Variants in DNAH17 observed in about 807,000 individuals in gnomAD.
DNAH17 encodes the protein axonemal beta dynein heavy chain 17.
DNAH17 carries 376 observed loss-of-function variants against 485.6 expected under a neutral mutation model. The ratio of observed to expected loss-of-function variants is 0.77; its 90% CI spans 0.71 to 0.84. The LOEUF (loss-of-function observed/expected upper bound fraction) is 0.84. Among genes scored for constraint, DNAH17 ranks in the 40% least tolerant of loss-of-function variants. DNAH17 has a pLI of 0.00. For synonymous variants in DNAH17, 3,031 were observed against 2,405.9 expected (o/e 1.26, Z -7.60); for missense variants, 6,370 against 5,839.3 (o/e 1.09, Z -2.96).
At chr17:78,561,479 G>C (rs1023112336) in intron 12 of DNAH17, among the ~76,000 whole-genome samples, 1 of 152,100 alleles carries the variant, frequency 6.6e-6, no homozygotes, top group African/African-American at 2.4e-5. Context: ...TGGTCTTCAT[G>C]TCTACCAGGC....
chr17:78,487,804 C>T (rs1489219840), intron 44 of DNAH17, among the ~76,000 whole-genome samples: 2 of 152,174 alleles, frequency 1.3e-5, no homozygotes, highest in African/African-American at 4.8e-5. Context: ...CGATTACAGA[C>T]ATGAGGCACT....
Position 78,475,711 on chromosome 17 carries a change from G to A in DNAH17, c.8277C>T (p.Asp2759=). 3 of 1,613,870 alleles carry A rather than the reference G, an allele frequency of 1.9e-6. No individual in the cohort carries two copies. Among genetic ancestry groups the A allele is most frequent in the Non-Finnish European group, 1.7e-6 (2 of 1,179,852 alleles). The change falls in exon 53 of 81, where the codon GAC becomes GAT. Residue 2759 remains aspartate, a synonymous_variant. Transcript: ENST00000389840. ...DMAPLNKLLV[D]VLDSYNEVNA... Reference sequence around the variant, plus strand: ...TAACTTCATTGTAGCTGTCCAGGACGTCCACGAGGAGCTTGTTCAGAGGAG... The same window carrying A: ...TAACTTCATTGTAGCTGTCCAGGACATCCACGAGGAGCTTGTTCAGAGGAG...
intron 76 of DNAH17, among the ~76,000 whole-genome samples, 197 bp downstream of exon 76, chr17:78,428,924 T>TAAAAAA (rs11409298): frequency 9.7e-6 from 1 of 103,316 alleles, no homozygotes; most frequent in Non-Finnish European, 1.9e-5. Flanking sequence ...TTTCTTTCTT[T>TAAAAAA]AAAAAAAAAA....
rs1188995922 is a variant in DNAH17, at chr17:78,575,074, A to G, written c.-17T>C. The G allele has an allele frequency of 1.3e-6, 2 of 1,599,294 alleles. No individual in the cohort carries two copies. Among genetic ancestry groups the G allele is most frequent in the African/African-American group, 2.7e-5 (2 of 74,466 alleles). ...CATTGTCATCTTGGCCTTTCCTTAC[A>G]CTGTGTATCTGTTAAGAGTGCAAGA... On this transcript the variant is annotated 5_prime_UTR_variant, in exon 2 of 81. Coordinates refer to ENST00000389840, the MANE Select transcript of DNAH17 (RefSeq NM_173628.4).
In DNAH17 at chr17:78,427,710, G is replaced by A. The variant is rs578262581; in HGVS notation, c.12589-602C>T. On this transcript the variant is annotated intron_variant, in intron 77 of 80. Coordinates refer to ENST00000389840, the MANE Select transcript of DNAH17 (RefSeq NM_173628.4). Reference sequence around the variant, plus strand: ...GTACAGGCCAGGTACAGTGGCTCACGCCTGTAACCCCAGCACTTTAGGAGG... The same window carrying A: ...GTACAGGCCAGGTACAGTGGCTCACACCTGTAACCCCAGCACTTTAGGAGG... 6.8e-4 allele frequency among the ~76,000 whole-genome samples: 103 copies of A among 152,224 alleles called. No individual in the cohort carries two copies. In the Middle Eastern group the frequency reaches 0.017, roughly 25 times the overall value.
At position 78,453,475 on chromosome 17, in the gene DNAH17, C is replaced by T; in HGVS notation, c.10407-10G>A. 1 of 1,613,740 alleles carries T rather than the reference C, an allele frequency of 6.2e-7. No homozygotes were observed. Among genetic ancestry groups the T allele is most frequent in the African/African-American group, 1.3e-5 (1 of 75,068 alleles). Reference sequence around the variant, plus strand: ...GATGACATCCAGGTAGCTGCGGGCACAACACGGAAGCTGGTTCATGGCAGA... The same window carrying T: ...GATGACATCCAGGTAGCTGCGGGCATAACACGGAAGCTGGTTCATGGCAGA... On this transcript the variant is annotated splice_polypyrimidine_tract_variant and intron_variant, in intron 64 of 80. Coordinates refer to ENST00000389840, the MANE Select transcript of DNAH17 (RefSeq NM_173628.4).
intron 26 of DNAH17, among the ~76,000 whole-genome samples, chr17:78,513,147 T>C (rs2090680805): frequency 6.6e-6 from 1 of 151,426 alleles, no homozygotes; most frequent in African/African-American, 2.4e-5. Flanking sequence ...GAAAAATGAG[T>C]TCAGGCCATG....
intron 61 of DNAH17, 54 bp from the exon 62 acceptor site, chr17:78,458,734 C>T: frequency 1.3e-6 from 2 of 1,490,778 alleles, no homozygotes; most frequent in South Asian, 1.1e-5. Flanking sequence ...ATCTCTAGCC[C>T]CCTGCAGCGG....
At chr17:78,541,694 G>A (rs989026410) in intron 17 of DNAH17, among the ~76,000 whole-genome samples, 3 of 152,008 alleles carry the variant, frequency 2.0e-5, no homozygotes, top group Non-Finnish European at 4.4e-5. Flanking sequence ...TGTCCCTGCT[G>A]CTTGGCTTCA....
chr17:78,451,765 C>T (rs2087564864), intron 65 of DNAH17, 92 bp from the exon 66 acceptor site: 2 of 1,128,676 alleles, frequency 1.8e-6, no homozygotes, highest in Admixed American at 2.4e-5. Flanking sequence ...CAGCCCCAGG[C>T]CAGGCCGCCA....
At chr17:78,491,347 C>T (rs2089843698) in intron 43 of DNAH17, 96 bp downstream of exon 43, 5 of 1,490,794 alleles carry the variant, frequency 3.4e-6, no homozygotes, top group Non-Finnish European at 9.0e-7. Context: ...CCAAGCCTGG[C>T]ATGCAGGGCC....
chr17:78,427,032 G>T lies in DNAH17; in HGVS notation c.12665C>A (p.Ala4222Glu), dbSNP rs756334417. 3.7e-6 allele frequency: 6 copies of T among 1,604,990 alleles called. No individual in the cohort carries two copies. In the South Asian group the frequency reaches 4.5e-5, roughly 12 times the overall value. The part of the protein sequence containing the change: ...FNMAEIMAKA[A>E]EKTPYVVVAF... ...GACTACCACGTAGGGGGTCTTTTCCGCTGCCTTTGCCATGATCTCAGCCAT... is the reference window on the plus strand; with the variant it reads ...GACTACCACGTAGGGGGTCTTTTCCTCTGCCTTTGCCATGATCTCAGCCAT... Residue 4222 changes from alanine to glutamate, a missense_variant, in exon 78 of 81, where the codon GCG becomes GAG. Ala to Glu is a moderately radical substitution (Grantham distance 107). Coordinates refer to ENST00000389840, the MANE Select transcript of DNAH17 (RefSeq NM_173628.4).
intron 75 of DNAH17, 46 bp from the exon 76 acceptor site, chr17:78,429,346 T>A: frequency 6.3e-7 from 1 of 1,584,362 alleles, no homozygotes; most frequent in Non-Finnish European, 8.6e-7. Flanking sequence ...CCTGTGCCCC[T>A]TCTCTGCCAT....
intron 59 of DNAH17, 59 bp downstream of exon 59, chr17:78,460,103 C>T (rs571833058): frequency 1.1e-4 from 176 of 1,578,722 alleles, no homozygotes; most frequent in South Asian, 7.5e-4. Flanking sequence ...ACGCCAACAG[C>T]GAAGGCAGCT....
rs375630239 is a variant in DNAH17 at position 78,437,758 on chromosome 17, G to A, written c.11916C>T (p.Pro3972=). 2 of 1,612,148 alleles carry A rather than the reference G, an allele frequency of 1.2e-6. No individual in the cohort carries two copies. The highest frequency in any genetic ancestry group is 1.7e-6 in the Non-Finnish European group (2 of 1,179,576). ...YRVFISAEPA[P]SPETHIIPQG... ...GGGGGATGATGTGGGTCTCGGGGCT[G>A]GGGGCAGGCTCCGCGCTGATGAACA... Residue 3972 remains proline, a synonymous_variant, in exon 74 of 81, where the codon CCC becomes CCT. Coordinates refer to ENST00000389840, the MANE Select transcript of DNAH17 (RefSeq NM_173628.4).
chr17:78,484,070 TGA>T (rs762841322), intron 48 of DNAH17, among the ~76,000 whole-genome samples: 51 of 112,290 alleles, frequency 4.5e-4, no homozygotes, highest in Non-Finnish European at 7.2e-4. Flanking sequence ...CACTCCAGCC[TGA>T]GAGACAGAGC....
At chr17:78,522,858 C>CTTT (rs540576103) in intron 25 of DNAH17, 9,192 of 160,248 alleles carry the variant, frequency 0.057, 360 homozygotes, top group South Asian at 0.11. Context: ...CTTTTTCTTT[C>CTTT]TTTTTTTTTT....
chr17:78,544,183 G>C (rs762933982), intron 16 of DNAH17, among the ~76,000 whole-genome samples, 186 bp from the exon 17 acceptor site: 1 of 152,180 alleles, frequency 6.6e-6, no homozygotes, highest in African/African-American at 2.4e-5. Flanking sequence ...CTGTTGACCA[G>C]AGAACCTTAA....
rs1316304425 is a variant in DNAH17 at position 78,451,588 on chromosome 17, T to C, written c.10615A>G (p.Lys3539Glu). ...LHTKYFNPHY[K>E]PEMQAQCTLI... ...GTGCACTGAGCCTGCATCTCTGGCT[T>C]GTAGTGTGGGTTGAAGTACTTGGTG... is the stretch of plus-strand genomic sequence containing the variant. Residue 3539 changes from lysine (K) to glutamate (E), a missense_variant, in exon 66 of 81, where the codon AAG (lysine) becomes GAG (glutamate). Physicochemically the swap from Lys to Glu is moderately conservative, Grantham distance 56. Coordinates refer to ENST00000389840, the MANE Select transcript of DNAH17 (RefSeq NM_173628.4). 3 of 1,612,892 alleles carry C rather than the reference T, an allele frequency of 1.9e-6. No individual in the cohort carries two copies. The highest frequency in any genetic ancestry group is 4.5e-5 in the East Asian group (2 of 44,768).
Sources: allele counts gnomAD v4.1 joint callset (sites outside exome capture counted in the v4.1 genomes callset), GRCh38; gene constraint gnomAD v4.1.1; transcripts MANE v1.5; gene names NCBI Gene and HGNC (gene_info 2026-07-23, HGNC 2026-07-21).